SNX29: variants seen among roughly 807,000 people sequenced by gnomAD.
The protein encoded by SNX29 is sorting nexin 29.
Under a neutral mutation model 102.1 loss-of-function variants are expected in SNX29, and 78 were observed. That is an observed-to-expected ratio of 0.76 (90% CI 0.64 to 0.92). SNX29 has a LOEUF of 0.92. SNX29 is among the 40% of genes least tolerant of loss of function. The pLI is 0.00. For synonymous variants in SNX29, 580 were observed against 414.5 expected (o/e 1.40, Z -4.85); for missense variants, 1,280 against 1,061.7 (o/e 1.21, Z -2.86).
rs889657955 is a variant in SNX29 at position 12,030,821 on chromosome 16, T to C, written c.247+3377T>C. On this transcript the variant is annotated intron_variant, in intron 4 of 20. Transcript: ENST00000566228. ...GTATCTGTCTCTGTTCTACCTCTTA[T>C]GCCGTGCTGTATGCCAGGGCTGACA... Among the ~76,000 whole-genome samples the C allele has an allele frequency of 3.3e-5, 5 of 152,328 alleles. No homozygotes were observed. The South Asian group carries it at 1.0e-3, about 32-fold the overall frequency.
intron 16 of SNX29, among the ~76,000 whole-genome samples, chr16:12,361,799 C>T (rs1044393399): frequency 6.6e-6 from 1 of 152,002 alleles, no homozygotes; most frequent in African/African-American, 2.4e-5. Flanking sequence ...ACCTTAGCAT[C>T]CCCATGCTAA....
At chr16:12,099,624 AGAAG>A (rs2052924075) in intron 11 of SNX29, among the ~76,000 whole-genome samples, 1 of 152,198 alleles carries the variant, frequency 6.6e-6, no homozygotes, top group Non-Finnish European at 1.5e-5. Context: ...GTCGGCCTCC[AGAAG>A]GAAGCCCAGT....
At chr16:12,152,758 C>T (rs541446693) in intron 13 of SNX29, among the ~76,000 whole-genome samples, 1 of 152,194 alleles carries the variant, frequency 6.6e-6, no homozygotes, top group African/African-American at 2.4e-5. Context: ...AACATAATAG[C>T]TCTATTATTT....
Position 12,571,020 on chromosome 16 carries a change from C to A in SNX29, c.*2391C>A, listed in dbSNP as rs752634091. The stretch of plus-strand genomic sequence containing the variant: ...CAGACCGTAGAGTCGAGTCATCTCG[C>A]AGATCCAGACCATCTCCTCTCATTC... On this transcript the variant is annotated 3_prime_UTR_variant, in exon 21 of 21. Coordinates refer to ENST00000566228, the MANE Select transcript of SNX29 (RefSeq NM_032167.5). The A allele has an allele frequency of 6.9e-5, 16 of 232,642 alleles. No individual in the cohort carries two copies. Among genetic ancestry groups the A allele is most frequent in the Non-Finnish European group, 1.1e-4 (13 of 117,694 alleles). 14.4% of individuals were successfully genotyped at this position (232,642 alleles called of 1,614,324 possible). A position where few individuals can be genotyped will look rare whatever the true frequency, so the allele number is the denominator to read the frequency against.
intron 14 of SNX29, among the ~76,000 whole-genome samples, chr16:12,247,762 G>GT (rs2142354035): frequency 6.6e-6 from 1 of 152,304 alleles, no homozygotes; most frequent in Non-Finnish European, 1.5e-5. Context: ...TTAAGGTTGG[G>GT]TTCCTTACAT....
chr16:12,322,157 T>C (rs1352854610), intron 15 of SNX29, among the ~76,000 whole-genome samples: 1 of 152,184 alleles, frequency 6.6e-6, no homozygotes, highest in Non-Finnish European at 1.5e-5. Flanking sequence ...TGCTTGTCCC[T>C]GCGTCCTAAG....
intron 11 of SNX29, among the ~76,000 whole-genome samples, chr16:12,085,343 T>G (rs1232347327): frequency 6.6e-6 from 1 of 152,192 alleles, no homozygotes; most frequent in African/African-American, 2.4e-5. Flanking sequence ...TCCCTTTCCT[T>G]TTGGACGGCG....
At chr16:12,411,902 T>C (rs1011911816) in intron 18 of SNX29, among the ~76,000 whole-genome samples, 1 of 152,198 alleles carries the variant, frequency 6.6e-6, no homozygotes, top group Non-Finnish European at 1.5e-5. Context: ...CAATTAAGCC[T>C]GGAAGGAAAC....
intron 20 of SNX29, among the ~76,000 whole-genome samples, chr16:12,551,010 T>C (rs2077941345): frequency 1.3e-5 from 2 of 152,210 alleles, no homozygotes; most frequent in Admixed American, 1.3e-4. Context: ...ATTTCTTCTC[T>C]GGCCGAGTGA....
At chr16:12,148,742 G>A (rs1046506746) in intron 13 of SNX29, among the ~76,000 whole-genome samples, 1 of 152,070 alleles carries the variant, frequency 6.6e-6, no homozygotes, top group African/African-American at 2.4e-5. Flanking sequence ...TTGTTGCCCA[G>A]GCTGGAGTAC....
chr16:12,438,896 C>A (rs774855269), intron 18 of SNX29, among the ~76,000 whole-genome samples: 3 of 152,124 alleles, frequency 2.0e-5, no homozygotes, highest in Non-Finnish European at 4.4e-5. Context: ...ACTGGAAGAT[C>A]TACCTGGCTG....
rs529857395 is a variant in SNX29 at position 12,503,235 on chromosome 16, C to T, written c.2179-21467C>T. ...TCGTCCTCCTTTTCCTTCCCTGCGACGTTCCTTTTTGTGAAGCAGGTGCTG... is the reference window on the plus strand; with the variant it reads ...TCGTCCTCCTTTTCCTTCCCTGCGATGTTCCTTTTTGTGAAGCAGGTGCTG... On this transcript the variant is annotated intron_variant, in intron 19 of 20. Transcript: ENST00000566228. 4.6e-5 allele frequency among the ~76,000 whole-genome samples: 7 copies of T among 152,312 alleles called. No homozygotes were observed. The South Asian group carries it at 8.3e-4, about 18-fold the overall frequency.
intron 19 of SNX29, among the ~76,000 whole-genome samples, chr16:12,498,938 CA>C (rs2088967150): frequency 6.6e-6 from 1 of 152,136 alleles, no homozygotes; most frequent in Non-Finnish European, 1.5e-5. Context: ...TACTTGATAG[CA>C]GAAGGGGCTT....
At position 12,456,021 on chromosome 16, in the gene SNX29, G is replaced by A. The variant is rs1376354673; in HGVS notation, c.2038-21698G>A. Among the ~76,000 whole-genome samples the A allele has an allele frequency of 2.6e-5, 4 of 152,232 alleles. No homozygotes were observed. The East Asian group carries it at 7.7e-4, about 29-fold the overall frequency. ...GATGAAGACTTGTAAAGGTACAATT[G>A]CAAGTAAATGTTCAGGTGATGTTCA... On this transcript the variant is annotated intron_variant, in intron 18 of 20. Coordinates refer to ENST00000566228, the MANE Select transcript of SNX29 (RefSeq NM_032167.5).
chr16:12,459,417 T>C (rs2086681825), intron 18 of SNX29, among the ~76,000 whole-genome samples: 1 of 152,016 alleles, frequency 6.6e-6, no homozygotes, highest in South Asian at 2.1e-4. Flanking sequence ...ATGCCTACTC[T>C]AGGGTCAGAG....
At chr16:12,315,759 C>T (rs2076994616) in intron 15 of SNX29, among the ~76,000 whole-genome samples, 1 of 152,194 alleles carries the variant, frequency 6.6e-6, no homozygotes, top group South Asian at 2.1e-4. Flanking sequence ...ACAGCCCTAA[C>T]AGACTAATAC....
intron 18 of SNX29, among the ~76,000 whole-genome samples, chr16:12,440,395 C>T (rs1205228153): frequency 6.6e-6 from 1 of 152,178 alleles, no homozygotes; most frequent in African/African-American, 2.4e-5. Context: ...ACCCCCACAA[C>T]CCTTCCCCTC....
At chr16:12,472,524 A>G (rs1278865160) in intron 18 of SNX29, among the ~76,000 whole-genome samples, 2 of 145,766 alleles carry the variant, frequency 1.4e-5, no homozygotes, top group Non-Finnish European at 3.0e-5. Context: ...ATCTCAAAAA[A>G]AAACCAAAAA....
At chr16:12,495,441 C>G (rs1399440569) in intron 19 of SNX29, among the ~76,000 whole-genome samples, 1 of 152,202 alleles carries the variant, frequency 6.6e-6, no homozygotes, top group Admixed American at 6.5e-5. Context: ...AGCCACCATG[C>G]CTGGCGTCAT....
Sources: allele counts gnomAD v4.1 joint callset (sites outside exome capture counted in the v4.1 genomes callset), GRCh38; gene constraint gnomAD v4.1.1; transcripts MANE v1.5; gene names NCBI Gene and HGNC (gene_info 2026-07-23, HGNC 2026-07-21).